LOC400499: variants seen among roughly 807,000 people sequenced by gnomAD.
chr16:11,418,136 G>C, the LOC400499 span, among the ~76,000 whole-genome samples: 1 of 152,336 alleles, frequency 6.6e-6, no homozygotes, highest in East Asian at 1.9e-4. Context: ...GGAAGACCAA[G>C]ATGTCCTGGC....
At chr16:11,518,535 C>G in the LOC400499 span, among the ~76,000 whole-genome samples, 1 of 152,004 alleles carries the variant, frequency 6.6e-6, no homozygotes, top group African/African-American at 2.4e-5. Context: ...AACAACAATG[C>G]CCAAGGGGTG....
At chr16:11,511,117 C>A in the LOC400499 span, among the ~76,000 whole-genome samples, 8 of 146,180 alleles carry the variant, frequency 5.5e-5, no homozygotes, top group Non-Finnish European at 9.0e-5. Context: ...CCACTTCAGA[C>A]TCTCAAGCAG....
At chr16:11,437,536 G>T in the LOC400499 span, among the ~76,000 whole-genome samples, 1 of 152,190 alleles carries the variant, frequency 6.6e-6, no homozygotes, top group South Asian at 2.1e-4. Flanking sequence ...TCCAGCCTGG[G>T]TGACAGAGTA....
chr16:11,476,810 C>A, the LOC400499 span: 1 of 399,274 alleles, frequency 2.5e-6, no homozygotes, highest in African/African-American at 2.1e-5. Flanking sequence ...TTCAGATGCA[C>A]CTTAAGGACC....
At chr16:11,433,406 C>A in the LOC400499 span, among the ~76,000 whole-genome samples, 1 of 152,110 alleles carries the variant, frequency 6.6e-6, no homozygotes, top group Admixed American at 6.5e-5. Context: ...CATGGGATTG[C>A]AGAGGAAATA....
chr16:11,466,805 A>T, the LOC400499 span, among the ~76,000 whole-genome samples: 1 of 152,220 alleles, frequency 6.6e-6, no homozygotes, highest in Non-Finnish European at 1.5e-5. Context: ...ATTTAATTGT[A>T]GAATTTAATA....
At chr16:11,459,936 T>C in the LOC400499 span, 4 of 1,499,790 alleles carry the variant, frequency 2.7e-6, no homozygotes, top group Middle Eastern at 1.7e-4. Flanking sequence ...CGAGTCATTC[T>C]TGAAGGTCTG....
At chr16:11,417,253 G>A in the LOC400499 span, among the ~76,000 whole-genome samples, 41 of 152,124 alleles carry the variant, frequency 2.7e-4, no homozygotes, top group African/African-American at 9.7e-4. Flanking sequence ...TTGAGACAGG[G>A]TCTCATTCTG....
chr16:11,387,298 G>A, the LOC400499 span: 10 of 1,232,226 alleles, frequency 8.1e-6, no homozygotes, highest in Non-Finnish European at 1.0e-5. Flanking sequence ...AGCGGTTCCT[G>A]CAGGGAATGC....
the LOC400499 span, among the ~76,000 whole-genome samples, chr16:11,514,844 A>C: frequency 1.3e-5 from 2 of 152,214 alleles, no homozygotes; most frequent in African/African-American, 4.8e-5. Context: ...TCAGTATGAA[A>C]ACATTTCAAA....
the LOC400499 span, chr16:11,449,079 C>T: frequency 6.8e-7 from 1 of 1,476,608 alleles, no homozygotes; most frequent in Non-Finnish European, 9.1e-7. Context: ...GTGGAAGAGG[C>T]TCTGTGCCAA....
At chr16:11,481,966 T>C in the LOC400499 span, among the ~76,000 whole-genome samples, 8 of 152,200 alleles carry the variant, frequency 5.3e-5, no homozygotes, top group Non-Finnish European at 8.8e-5. Context: ...TATTTTTACA[T>C]ATGAGAATTT....
the LOC400499 span, among the ~76,000 whole-genome samples, chr16:11,519,624 A>T: frequency 1.3e-5 from 2 of 152,010 alleles, no homozygotes; most frequent in African/African-American, 2.4e-5. Flanking sequence ...GTTCTGCTAC[A>T]TCCTACAATA....
At chr16:11,456,529 G>A in the LOC400499 span, among the ~76,000 whole-genome samples, 7 of 152,188 alleles carry the variant, frequency 4.6e-5, no homozygotes, top group Admixed American at 3.3e-4. Flanking sequence ...CACTTGACTG[G>A]CAAAGGTAAG....
At chr16:11,488,370 C>T in the LOC400499 span, among the ~76,000 whole-genome samples, 1 of 152,012 alleles carries the variant, frequency 6.6e-6, no homozygotes, top group Non-Finnish European at 1.5e-5. Context: ...TGAAAATATT[C>T]CAAAAATATT....
chr16:11,381,401 T>C, the LOC400499 span, among the ~76,000 whole-genome samples: 3 of 152,078 alleles, frequency 2.0e-5, no homozygotes, highest in African/African-American at 7.2e-5. Flanking sequence ...ACACCTGCCC[T>C]ACTTTTGAGC....
the LOC400499 span, among the ~76,000 whole-genome samples, chr16:11,518,496 C>A: frequency 1.3e-5 from 2 of 152,180 alleles, no homozygotes; most frequent in East Asian, 3.9e-4. Flanking sequence ...CCGGCAGTCC[C>A]ATTAGCCGGA....
the LOC400499 span, among the ~76,000 whole-genome samples, chr16:11,505,602 T>TAC: frequency 2.6e-5 from 4 of 151,774 alleles, no homozygotes; most frequent in Admixed American, 1.3e-4. Flanking sequence ...CACAGGCACG[T>TAC]ACCACCATGC....
At chr16:11,518,744 A>G in the LOC400499 span, among the ~76,000 whole-genome samples, 2 of 152,280 alleles carry the variant, frequency 1.3e-5, no homozygotes, top group Admixed American at 6.5e-5. Context: ...ACTTCAGTCC[A>G]AGATGGCATC....
Sources: gnomAD v4.1 joint callset for allele counts (sites outside exome capture counted in the v4.1 genomes callset) on GRCh38, gnomAD v4.1.1 for gene constraint, MANE v1.5 for transcripts.